The following OPRM1 variants were observed in gnomAD, a reference collection of about 807,000 sequenced individuals.
OPRM1 encodes mu-type opioid receptor.
In OPRM1, 27 loss-of-function variants were observed where a neutral mutation model predicts 31.8. The observed-to-expected ratio is 0.85, with a 90% CI of 0.63 to 1.17. The LOEUF (loss-of-function observed/expected upper bound fraction) is 1.17. Ranked by LOEUF, OPRM1 falls within the 50% of genes most tolerant of loss-of-function variation. The pLI is 0.00. For missense variants in OPRM1, 536 were observed against 511.1 expected (o/e 1.05, Z -0.47); for synonymous variants, 196 against 189.9 (o/e 1.03, Z -0.26).
At chr6:154,081,684 C>T (rs889302879) in intron 1 of OPRM1, among the ~76,000 whole-genome samples, 3 of 152,186 alleles carry the variant, frequency 2.0e-5, no homozygotes, top group African/African-American at 4.8e-5. Flanking sequence ...CTTTGCATGC[C>T]TACTTCGACG....
chr6:154,011,079 G>A lies in OPRM1; in HGVS notation c.-1+61G>A, dbSNP rs867910199. On this transcript the variant is annotated intron_variant, in intron 1 of 5. Coordinates refer to the OPRM1 transcript ENST00000434900. ...CTTTTCATTGCATTTGCTGGAAGAG[G>A]AGGAGTAAGGGCTGCTTGACACTCA... is the stretch of plus-strand genomic sequence containing the variant. 2.4e-5 allele frequency: 31 copies of A among 1,273,292 alleles called. No individual in the cohort carries two copies. In the South Asian group the frequency reaches 3.1e-4, roughly 13 times the overall value. 78.9% of individuals were successfully genotyped at this position (1,273,292 alleles called of 1,614,324 possible).
chr6:154,056,787 G>A (rs947234836), intron 1 of OPRM1, among the ~76,000 whole-genome samples: 4 of 152,112 alleles, frequency 2.6e-5, no homozygotes, highest in Non-Finnish European at 1.5e-5. Context: ...GTTGCCAGCA[G>A]TATAACCTGA....
At chr6:154,011,036 T>C (rs1227228644) in intron 1 of OPRM1, 1 of 1,289,744 alleles carries the variant, frequency 7.8e-7, no homozygotes, top group Admixed American at 2.3e-5. Context: ...ACAGCTCATT[T>C]ATTTTGTTGA....
chr6:154,115,813 G>C (rs1374457243), intron 3 of OPRM1, among the ~76,000 whole-genome samples: 2 of 152,216 alleles, frequency 1.3e-5, no homozygotes, highest in Admixed American at 6.5e-5. Flanking sequence ...AAGGAACATA[G>C]AGTTTCATCT....
rs762824513 is a variant in OPRM1 at position 154,091,480 on chromosome 6, G to C, written c.1164+8G>C. The C allele has an allele frequency of 6.2e-7, 1 of 1,605,768 alleles. No homozygotes were observed. The highest frequency in any genetic ancestry group is 8.5e-7 in the Non-Finnish European group (1 of 1,178,328). On this transcript the variant is annotated splice_region_variant and intron_variant, in intron 3 of 3. Transcript: ENST00000330432. ...GATAGAACTAATCATCAGGTACGCA[G>C]TCTCTAGAATTAGGTATATCTACTG...
chr6:154,209,643 CAAAA>C (rs34423257), intron 3 of OPRM1, among the ~76,000 whole-genome samples: 3 of 107,916 alleles, frequency 2.8e-5, no homozygotes. Flanking sequence ...GACTGTGTCT[CAAAA>C]AAAAAAAAAA....
intron 3 of OPRM1, chr6:154,199,719 C>A: frequency 1.2e-6 from 2 of 1,613,932 alleles, no homozygotes; most frequent in South Asian, 1.1e-5. Context: ...GTAAGATGGT[C>A]ATGATTGCTA....
rs369142178 is a variant in OPRM1 at position 154,109,598 on chromosome 6, G to A, written c.1165-9085G>A. On this transcript the variant is annotated intron_variant, in intron 3 of 3. Coordinates refer to ENST00000330432, the MANE Select transcript of OPRM1 (RefSeq NM_000914.5). ...TGAATAAGGTTTTCAGTTTTCACACGCTCTACCAGCTTCTTGTAGAACACT... is the reference window on the plus strand; with the variant it reads ...TGAATAAGGTTTTCAGTTTTCACACACTCTACCAGCTTCTTGTAGAACACT... 4.6e-5 allele frequency among the ~76,000 whole-genome samples: 7 copies of A among 152,130 alleles called. No individual in the cohort carries two copies. The East Asian group carries it at 5.8e-4, about 13-fold the overall frequency.
intron 3 of OPRM1, chr6:154,246,527 C>T (rs1201163159): frequency 1.3e-6 from 2 of 1,513,358 alleles, no homozygotes; most frequent in Non-Finnish European, 1.8e-6. Flanking sequence ...ATAGGGATCA[C>T]CTGATGCCTT....
chr6:154,185,286 A>G (rs1182835199), intron 3 of OPRM1, among the ~76,000 whole-genome samples: 1 of 152,206 alleles, frequency 6.6e-6, no homozygotes, highest in Non-Finnish European at 1.5e-5. Flanking sequence ...GAGCTTAATG[A>G]CTGCCTAAGT....
rs1336577290 is a variant in OPRM1 at position 154,168,708 on chromosome 6, TGA to T, written c.1164+77237_1164+77238del. The stretch of plus-strand genomic sequence containing the variant: ...GAAACCTACACCTCCCAGGTTCAAG[TGA>T]TTCTCCTGTCTCAGCCTCCCAAGTA... On this transcript the variant is annotated intron_variant, in intron 3 of 3. Coordinates refer to the OPRM1 transcript ENST00000337049. This position sits in a 1 kb window ranked among gnomAD's most constrained non-coding sequence, Gnocchi z 4.1. Among the ~76,000 whole-genome samples, 1 of 151,968 alleles carries T rather than the reference TGA, an allele frequency of 6.6e-6. No individual in the cohort carries two copies. The highest frequency in any genetic ancestry group is 6.6e-5 in the Admixed American group (1 of 15,264).
intron 1 of OPRM1, chr6:154,086,517 C>G (rs929324108): frequency 2.1e-6 from 2 of 940,192 alleles, no homozygotes; most frequent in African/African-American, 3.6e-5. Flanking sequence ...GGCTAGCATG[C>G]TAATTAACTA....
chr6:154,034,971 A>T (rs1427410820), upstream of OPRM1, among the ~76,000 whole-genome samples: 1 of 152,202 alleles, frequency 6.6e-6, no homozygotes, highest in Non-Finnish European at 1.5e-5. Context: ...GTACAGTTAA[A>T]TATAGTGTAT....
At chr6:154,185,416 T>C (rs146744563) in intron 3 of OPRM1, among the ~76,000 whole-genome samples, 133 of 152,232 alleles carry the variant, frequency 8.7e-4, no homozygotes, top group African/African-American at 3.0e-3. Flanking sequence ...AAAGTTAGAG[T>C]TTAGATTGTG....
rs559959935 is a variant in OPRM1 at position 154,033,074 on chromosome 6, G to C, written c.1-6087G>C. 2.7e-4 allele frequency among the ~76,000 whole-genome samples: 41 copies of C among 152,228 alleles called. No individual in the cohort carries two copies. The South Asian group carries it at 8.5e-3, about 32-fold the overall frequency. ...GAAAAGGTTAATAGAGAGAATGCTG[G>C]AAAACATCAACATTTAAAATGCAAG... is the stretch of plus-strand genomic sequence containing the variant. On this transcript the variant is annotated intron_variant, in intron 1 of 5. Coordinates refer to the OPRM1 transcript ENST00000434900.
intron 1 of OPRM1, among the ~76,000 whole-genome samples, chr6:154,066,789 G>T (rs1396301610): frequency 6.6e-6 from 1 of 152,116 alleles, no homozygotes; most frequent in African/African-American, 2.4e-5. Flanking sequence ...AAATCAGTTA[G>T]CATCTTGATT....
At chr6:154,234,888 G>T (rs1779991884) in intron 3 of OPRM1, among the ~76,000 whole-genome samples, 1 of 152,200 alleles carries the variant, frequency 6.6e-6, no homozygotes, top group South Asian at 2.1e-4. Flanking sequence ...AAAGAATTTT[G>T]TGTGATTGTC....
chr6:154,058,788 T>C (rs193111032), intron 1 of OPRM1, among the ~76,000 whole-genome samples: 147 of 152,318 alleles, frequency 9.7e-4, no homozygotes, highest in Non-Finnish European at 1.0e-3. Context: ...TCAGATTCCA[T>C]ACTAACAATC....
rs565468306 is a variant in OPRM1, at chr6:154,231,125, G to A, written c.1165-15568G>A. 2.6e-5 allele frequency among the ~76,000 whole-genome samples: 4 copies of A among 152,236 alleles called. No homozygotes were observed. In the Middle Eastern group the frequency reaches 0.01, roughly 388 times the overall value. ...GAGCTGAGCTGCCCATTCTCATGCC[G>A]CCTTAGAACAGTTGTCTCTAGATTC... On this transcript the variant is annotated intron_variant, in intron 3 of 3. Transcript: ENST00000337049.
Sources: allele counts gnomAD v4.1 joint callset (sites outside exome capture counted in the v4.1 genomes callset), GRCh38; gene constraint gnomAD v4.1.1; non-coding constraint Gnocchi (gnomAD v3.1); transcripts MANE v1.5; gene names NCBI Gene and HGNC (gene_info 2026-07-23, HGNC 2026-07-21).